SCHIP1: variants seen among roughly 807,000 people sequenced by gnomAD.
SCHIP1 encodes schwannomin interacting protein 1.
In SCHIP1, 8 loss-of-function variants were observed where a neutral mutation model predicts 29.7. That is an observed-to-expected ratio of 0.27 (90% CI 0.16 to 0.49). The LOEUF (loss-of-function observed/expected upper bound fraction) is 0.49, where lower values mean the gene tolerates loss of function less well. Ranked by LOEUF, SCHIP1 falls within the 20% of genes least tolerant of loss-of-function variation. SCHIP1 has a pLI of 0.99. For synonymous variants in SCHIP1, 76 were observed against 94.9 expected (o/e 0.80, Z 1.16); for missense variants, 193 against 294.6 (o/e 0.66, Z 2.52).
At chr3:159,359,259 A>C in the SCHIP1 span, among the ~76,000 whole-genome samples, 1 of 152,282 alleles carries the variant, frequency 6.6e-6, no homozygotes, top group Non-Finnish European at 1.5e-5. Flanking sequence ...AAAGCAAAGA[A>C]AAATACAATT....
the SCHIP1 span, among the ~76,000 whole-genome samples, chr3:159,627,240 T>C: frequency 6.6e-6 from 1 of 152,206 alleles, no homozygotes; most frequent in Non-Finnish European, 1.5e-5. Flanking sequence ...TTATAGACCA[T>C]GGACTTCTCC....
At chr3:159,557,402 C>G in the SCHIP1 span, among the ~76,000 whole-genome samples, 2 of 152,188 alleles carry the variant, frequency 1.3e-5, no homozygotes, top group East Asian at 1.9e-4. Context: ...AGAAATGATC[C>G]TATTTGTTGG....
chr3:159,881,890 C>G (rs771051747), intron 2 of SCHIP1, among the ~76,000 whole-genome samples: 1 of 152,218 alleles, frequency 6.6e-6, no homozygotes, highest in Non-Finnish European at 1.5e-5. Flanking sequence ...TGGCTGGGCT[C>G]TCACACGTGT....
chr3:159,285,200 A>G, the SCHIP1 span, among the ~76,000 whole-genome samples: 1 of 152,112 alleles, frequency 6.6e-6, no homozygotes, highest in South Asian at 2.1e-4. Context: ...TGATACTTGA[A>G]AAGAGTTTCT....
At chr3:159,891,365 C>T (rs374016894) in intron 5 of SCHIP1, among the ~76,000 whole-genome samples, 4 of 150,532 alleles carry the variant, frequency 2.7e-5, no homozygotes, top group East Asian at 2.0e-4. Context: ...AGTGAGATTC[C>T]GTTTCAAAAA....
chr3:159,866,247 T>G, exon 2 of SCHIP1: 1 of 1,613,738 alleles, frequency 6.2e-7, no homozygotes, highest in Non-Finnish European at 8.5e-7. Flanking sequence ...TTATACCAGC[T>G]GTAGCAAAAG....
chr3:159,466,251 G>A, the SCHIP1 span, among the ~76,000 whole-genome samples: 6 of 152,030 alleles, frequency 3.9e-5, no homozygotes, highest in Non-Finnish European at 7.4e-5. Flanking sequence ...GGACTACAGG[G>A]GAGGTGGGAA....
the SCHIP1 span, among the ~76,000 whole-genome samples, chr3:159,686,356 C>T: frequency 0.019 from 2,966 of 152,244 alleles, 100 homozygotes; most frequent in African/African-American, 0.068. Context: ...GAAGAAAATA[C>T]AAACCTCTTC....
chr3:159,725,197 C>G, the SCHIP1 span, among the ~76,000 whole-genome samples: 1 of 152,158 alleles, frequency 6.6e-6, no homozygotes, highest in Non-Finnish European at 1.5e-5. Context: ...GTATCTCTGC[C>G]ACCAGAGTTT....
At chr3:159,891,638 T>C (rs2109500266) in intron 5 of SCHIP1, among the ~76,000 whole-genome samples, 1 of 152,296 alleles carries the variant, frequency 6.6e-6, no homozygotes, top group East Asian at 1.9e-4. Flanking sequence ...CCTAGGGCCA[T>C]GTGAAGGCAT....
chr3:159,358,211 T>C, the SCHIP1 span, among the ~76,000 whole-genome samples: 29 of 152,256 alleles, frequency 1.9e-4, no homozygotes, highest in South Asian at 5.6e-3. Context: ...CAGGGTCAGA[T>C]GAGAAATTTC....
At chr3:159,736,499 T>A in the SCHIP1 span, among the ~76,000 whole-genome samples, 2 of 152,194 alleles carry the variant, frequency 1.3e-5, no homozygotes, top group African/African-American at 4.8e-5. Flanking sequence ...ACTCCCCAAC[T>A]ATTCTCCTTA....
chr3:159,680,730 A>AATATACATATATTATATATGTATAT, the SCHIP1 span, among the ~76,000 whole-genome samples: 4 of 74,024 alleles, frequency 5.4e-5, no homozygotes, highest in African/African-American at 2.8e-4. Context: ...GTATATATAT[A>AATATACATATATTATATATGTATAT]ATATACATAT....
At chr3:159,727,579 A>C in the SCHIP1 span, among the ~76,000 whole-genome samples, 1 of 152,224 alleles carries the variant, frequency 6.6e-6, no homozygotes, top group Admixed American at 6.5e-5. Context: ...TAAAGTGCTT[A>C]AGCATAGCAA....
chr3:159,658,267 G>C, the SCHIP1 span, among the ~76,000 whole-genome samples: 1 of 152,098 alleles, frequency 6.6e-6, no homozygotes, highest in Non-Finnish European at 1.5e-5. Context: ...ATGATATCCA[G>C]GTGACAGTAT....
the SCHIP1 span, among the ~76,000 whole-genome samples, chr3:159,339,784 TGA>T: frequency 3.3e-5 from 5 of 152,294 alleles, no homozygotes. Flanking sequence ...GTAATCTGCC[TGA>T]GAGTGTATTT....
chr3:159,696,616 A>T, the SCHIP1 span, among the ~76,000 whole-genome samples: 1 of 152,194 alleles, frequency 6.6e-6, no homozygotes, highest in Non-Finnish European at 1.5e-5. Context: ...GGCAACTTAG[A>T]CAAGTTTTCT....
At chr3:159,784,016 T>A in the SCHIP1 span, among the ~76,000 whole-genome samples, 1 of 152,180 alleles carries the variant, frequency 6.6e-6, no homozygotes, top group Non-Finnish European at 1.5e-5. Flanking sequence ...TGCAGGCAGG[T>A]CCAAGGAGGT....
chr3:159,635,317 G>GGA, the SCHIP1 span, among the ~76,000 whole-genome samples: 6 of 152,172 alleles, frequency 3.9e-5, no homozygotes, highest in Non-Finnish European at 1.5e-5. Context: ...CTGGACCATG[G>GGA]GAGAGGTGGT....
Sources: allele counts gnomAD v4.1 joint callset (sites outside exome capture counted in the v4.1 genomes callset), GRCh38; gene constraint gnomAD v4.1.1; transcripts MANE v1.5; gene names NCBI Gene and HGNC (gene_info 2026-07-23, HGNC 2026-07-21).